The following CIT variants were observed in gnomAD, a reference collection of about 807,000 sequenced individuals.
CIT encodes the protein citron Rho-interacting kinase.
CIT carries 79 observed loss-of-function variants against 272.7 expected under a neutral mutation model. The observed-to-expected ratio is 0.29, with a 90% CI of 0.24 to 0.35. The LOEUF (loss-of-function observed/expected upper bound fraction) is 0.35. Ranked by LOEUF, CIT falls within the 10% of genes least tolerant of loss-of-function variation. CIT has a pLI of 1.00. For synonymous variants in CIT, 948 were observed against 995.6 expected (o/e 0.95, Z 0.90); for missense variants, 1,909 against 2,618.3 (o/e 0.73, Z 5.91).
intron 5 of CIT, among the ~76,000 whole-genome samples, chr12:119,837,015 C>T (rs1326725690): frequency 6.6e-6 from 1 of 152,192 alleles, no homozygotes; most frequent in African/African-American, 2.4e-5. Flanking sequence ...ATTGAGAAAA[C>T]AAGCAACAAA....
At chr12:119,779,656 T>C (rs535369234) in intron 13 of CIT, among the ~76,000 whole-genome samples, 2 of 152,252 alleles carry the variant, frequency 1.3e-5, no homozygotes, top group Non-Finnish European at 2.9e-5. Flanking sequence ...GGGAATGTAA[T>C]TTTTGTGTTT....
At chr12:119,775,330 C>A (rs1388591663) in intron 16 of CIT, among the ~76,000 whole-genome samples, 1 of 152,182 alleles carries the variant, frequency 6.6e-6, no homozygotes, top group African/African-American at 2.4e-5. Context: ...GCCATTAGCA[C>A]AAACTTTGCA....
In CIT at chr12:119,738,249, T is replaced by C. The variant is rs1377084910; in HGVS notation, c.2959-2892A>G. Reference sequence around the variant, plus strand: ...GTTTATTCACTTTTTTATTCAGATCTTTGAAAACTGAAATGATGGAGGTAA... The same window carrying C: ...GTTTATTCACTTTTTTATTCAGATCCTTGAAAACTGAAATGATGGAGGTAA... On this transcript the variant is annotated intron_variant, in intron 24 of 47. Coordinates refer to ENST00000392521, the MANE Select transcript of CIT (RefSeq NM_001206999.2). Among the ~76,000 whole-genome samples, 4 of 152,166 alleles carry C rather than the reference T, an allele frequency of 2.6e-5. No homozygotes were observed. In the South Asian group the frequency reaches 8.3e-4, roughly 32 times the overall value.
intron 20 of CIT, among the ~76,000 whole-genome samples, chr12:119,759,574 A>G (rs560153253): frequency 2.3e-4 from 35 of 152,140 alleles, no homozygotes; most frequent in African/African-American, 7.7e-4. Context: ...TGAACTCGGG[A>G]GGTAGAGGTT....
intron 23 of CIT, among the ~76,000 whole-genome samples, chr12:119,749,267 T>C (rs1218185849): frequency 6.6e-6 from 1 of 152,220 alleles, no homozygotes; most frequent in Non-Finnish European, 1.5e-5. Flanking sequence ...TTCCCTTTTA[T>C]TGACAAAACA....
intron 7 of CIT, among the ~76,000 whole-genome samples, chr12:119,831,022 T>C (rs1968583691): frequency 6.6e-6 from 1 of 152,146 alleles, no homozygotes; most frequent in South Asian, 2.1e-4. Flanking sequence ...TGTACTACCA[T>C]GTCTGGCTAA....
At chr12:119,705,263 T>A (rs1430396034) in intron 40 of CIT, among the ~76,000 whole-genome samples, 4 of 152,184 alleles carry the variant, frequency 2.6e-5, no homozygotes, top group Non-Finnish European at 5.9e-5. Flanking sequence ...AGCTAAGAAC[T>A]CATACACGTG....
At chr12:119,779,981 G>A (rs1366195255) in intron 13 of CIT, among the ~76,000 whole-genome samples, 2 of 152,218 alleles carry the variant, frequency 1.3e-5, no homozygotes, top group Non-Finnish European at 2.9e-5. Flanking sequence ...TGGTATCTCA[G>A]GATGGAATGA....
intron 23 of CIT, among the ~76,000 whole-genome samples, chr12:119,751,790 T>C (rs1960299337): frequency 6.6e-6 from 1 of 152,180 alleles, no homozygotes; most frequent in African/African-American, 2.4e-5. Flanking sequence ...GATGATTTTT[T>C]CAAAAGAAGG....
chr12:119,760,356 G>A (rs990630851), intron 20 of CIT, among the ~76,000 whole-genome samples: 5 of 152,136 alleles, frequency 3.3e-5, no homozygotes, highest in African/African-American at 1.2e-4. Flanking sequence ...TGTAGGGCCA[G>A]GAGTGGTGGC....
At chr12:119,801,053 T>C (rs976432746) in intron 10 of CIT, among the ~76,000 whole-genome samples, 1 of 152,228 alleles carries the variant, frequency 6.6e-6, no homozygotes, top group Non-Finnish European at 1.5e-5. Context: ...GAAAAAACGT[T>C]AAAGTTCCCC....
chr12:119,841,645 G>A (rs955537510), intron 5 of CIT, among the ~76,000 whole-genome samples: 41 of 152,286 alleles, frequency 2.7e-4, no homozygotes, highest in African/African-American at 9.6e-4. Context: ...CGTTCTGGCC[G>A]AGAAAATGTG....
chr12:119,704,143 A>G (rs1211520235), intron 41 of CIT, among the ~76,000 whole-genome samples: 1 of 152,098 alleles, frequency 6.6e-6, no homozygotes, highest in Non-Finnish European at 1.5e-5. Context: ...CAAATGTGAG[A>G]AGAAAAGCAG....
intron 46 of CIT, among the ~76,000 whole-genome samples, chr12:119,691,010 A>G (rs1050748757): frequency 3.0e-4 from 45 of 152,250 alleles, no homozygotes; most frequent in African/African-American, 1.0e-3. Flanking sequence ...CGTCTCTACT[A>G]AAAATACAAA....
chr12:119,785,726 C>T (rs1393463454), intron 10 of CIT, among the ~76,000 whole-genome samples: 4 of 152,092 alleles, frequency 2.6e-5, no homozygotes, highest in Non-Finnish European at 5.9e-5. Flanking sequence ...ATTACAGGTG[C>T]TCGTGACCGT....
At chr12:119,732,550 C>A (rs1172829283) in intron 26 of CIT, among the ~76,000 whole-genome samples, 2 of 152,134 alleles carry the variant, frequency 1.3e-5, no homozygotes, top group Non-Finnish European at 2.9e-5. Flanking sequence ...TCAACAAATA[C>A]CCTGAGTGGG....
Position 119,784,893 on chromosome 12 carries a change from A to T in CIT, c.1401+67T>A. On this transcript the variant is annotated intron_variant, in intron 11 of 47. Coordinates refer to ENST00000392521, the MANE Select transcript of CIT (RefSeq NM_001206999.2). The surrounding 1 kb of genome is among the most constrained non-coding windows in gnomAD (Gnocchi z 4.7). Reference sequence around the variant, plus strand: ...CAGAGCCAGCAGCGGCCCCGGGCGGATCCCTTGGCATATACGGACGGGAGG... The same window carrying T: ...CAGAGCCAGCAGCGGCCCCGGGCGGTTCCCTTGGCATATACGGACGGGAGG... The T allele has an allele frequency of 6.3e-7, 1 of 1,588,002 alleles. No individual in the cohort carries two copies. Among genetic ancestry groups the T allele is most frequent in the Non-Finnish European group, 8.6e-7 (1 of 1,166,710 alleles).
At chr12:119,870,449 T>C (rs57255943) in intron 2 of CIT, among the ~76,000 whole-genome samples, 6,587 of 147,280 alleles carry the variant, frequency 0.045, 503 homozygotes, top group African/African-American at 0.15. Context: ...ACCTGGGAGG[T>C]TGAGGCATGA....
At chr12:119,843,836 G>A (rs1308796158) in intron 5 of CIT, among the ~76,000 whole-genome samples, 8 of 151,954 alleles carry the variant, frequency 5.3e-5, no homozygotes, top group Admixed American at 5.3e-4. Flanking sequence ...CAACTGCCAA[G>A]GGAGCGTGAT....
Sources: gnomAD v4.1 joint callset for allele counts (sites outside exome capture counted in the v4.1 genomes callset) on GRCh38, gnomAD v4.1.1 for gene constraint, Gnocchi (gnomAD v3.1) non-coding constraint, MANE v1.5 for transcripts, NCBI Gene and HGNC (gene_info 2026-07-23, HGNC 2026-07-21) for gene names.